The following MINK1 variants were observed in gnomAD, a reference collection of about 807,000 sequenced individuals.
MINK1 encodes misshapen like kinase 1.
In MINK1, 46 loss-of-function variants were observed where a neutral mutation model predicts 178.4. The ratio of observed to expected loss-of-function variants is 0.26; its 90% CI spans 0.20 to 0.33. The LOEUF is 0.33. Ranked by LOEUF, MINK1 falls within the 10% of genes least tolerant of loss-of-function variation. The probability of loss-of-function intolerance (pLI) is 1.00; values close to 1 mark genes in which losing one functional copy is unlikely to be tolerated. For missense variants in MINK1, 1,366 were observed against 1,814.9 expected, an observed-to-expected ratio of 0.75 and a Z score of 4.49; for synonymous variants, 797 against 709.7, an observed-to-expected ratio of 1.12 and a Z score of -1.96.
Position 4,891,362 on chromosome 17 carries a change from G to A in MINK1, c.1741-94G>A, listed in dbSNP as rs1449500895. The A allele has an allele frequency of 4.1e-6, 6 of 1,448,610 alleles. No homozygotes were observed. The East Asian group carries it at 1.2e-4, about 29-fold the overall frequency. The allele number at this position is 1,448,610 out of a possible 1,614,324, so 89.7% of individuals were successfully genotyped here. On this transcript the variant is annotated intron_variant, in intron 15 of 31. Coordinates refer to ENST00000355280, the MANE Select transcript of MINK1 (RefSeq NM_153827.5). ...CCCCTTGTCCTTCAATGGAGGAAGG[G>A]GCAGCTAAAGTCCTTTCCCACCCCA...
At chr17:4,875,721 A>ACCGCACTCCCACCTGGGCAACAGAGCG (rs1967121750) in intron 1 of MINK1, among the ~76,000 whole-genome samples, 1 of 151,020 alleles carries the variant, frequency 6.6e-6, no homozygotes, top group Admixed American at 6.6e-5. Context: ...GCGGTGAGCC[A>ACCGCACTCCCACCTGGGCAACAGAGCG]AGATCGTGCC....
At position 4,887,908 on chromosome 17, in the gene MINK1, A is replaced by T; in HGVS notation, c.1230+118A>T. The T allele has an allele frequency of 1.2e-6, 1 of 800,726 alleles. No individual in the cohort carries two copies. The highest frequency in any genetic ancestry group is 1.8e-6 in the Non-Finnish European group (1 of 543,946). The allele number at this position is 800,726 out of a possible 1,614,324, so 49.6% of individuals were successfully genotyped here. A position where few individuals can be genotyped will look rare whatever the true frequency, so the allele number is the denominator to read the frequency against. On this transcript the variant is annotated intron_variant, in intron 12 of 31. Coordinates refer to ENST00000355280, the MANE Select transcript of MINK1 (RefSeq NM_153827.5). This position sits in a 1 kb window ranked among gnomAD's most constrained non-coding sequence, Gnocchi z 7.6. ...CTTAAATGAATGGCATTTCTGTTGA[A>T]ACAATTATATGATTTCAAATTTCAT... is the stretch of plus-strand genomic sequence containing the variant.
chr17:4,883,352 C>T (rs980112504), intron 4 of MINK1: 1 of 151,146 alleles, frequency 6.6e-6, no homozygotes, highest in Non-Finnish European at 1.5e-5. Context: ...TTACAGGTGC[C>T]CACCACCACG....
intron 1 of MINK1, among the ~76,000 whole-genome samples, chr17:4,845,172 C>G (rs370402636): frequency 6.6e-6 from 1 of 152,144 alleles, no homozygotes; most frequent in Non-Finnish European, 1.5e-5. Flanking sequence ...TCAGCCAACC[C>G]AGAACACAAC....
intron 12 of MINK1, among the ~76,000 whole-genome samples, chr17:4,888,236 C>T (rs1968403242): frequency 6.6e-6 from 1 of 151,614 alleles, no homozygotes; most frequent in Non-Finnish European, 1.5e-5. Context: ...AAGCAATAAC[C>T]CGCAGCACCC....
Position 4,895,644 on chromosome 17 carries a change from A to T in MINK1, c.3230-54A>T. 1 of 1,597,174 alleles carries T rather than the reference A, an allele frequency of 6.3e-7. No individual in the cohort carries two copies. The highest frequency in any genetic ancestry group is 8.5e-7 in the Non-Finnish European group (1 of 1,169,710). ...TGACAGAGGAGGCCAGGGCGGTGGC[A>T]TTCGGGCCTCAGATGAGAATGGGGG... On this transcript the variant is annotated intron_variant, in intron 26 of 31. Transcript: ENST00000355280. This position sits in a 1 kb window ranked among gnomAD's most constrained non-coding sequence, Gnocchi z 4.3.
At position 4,896,166 on chromosome 17, in the gene MINK1, G is replaced by GC; in HGVS notation, c.3466-24dup. On this transcript the variant is annotated intron_variant, in intron 28 of 31. Transcript: ENST00000355280. This position sits in a 1 kb window ranked among gnomAD's most constrained non-coding sequence, Gnocchi z 4.6. ...CCAGCGCCTCTCCCCGTGCCCCTGA[G>GC]CCCTCCTCTCCTCCGGTTCTCTGCA... 6.2e-7 allele frequency: 1 copy of GC among 1,602,178 alleles called. No individual in the cohort carries two copies. The highest frequency in any genetic ancestry group is 8.5e-7 in the Non-Finnish European group (1 of 1,173,590).
At chr17:4,835,642 A>C (rs1371253106) in intron 1 of MINK1, among the ~76,000 whole-genome samples, 2 of 152,032 alleles carry the variant, frequency 1.3e-5, no homozygotes, top group African/African-American at 4.8e-5. Context: ...AAACAAAACA[A>C]AACAAAAAAA....
chr17:4,881,072 G>A (rs1174473156), intron 3 of MINK1, 32 bp downstream of exon 3: 13 of 1,534,730 alleles, frequency 8.5e-6, no homozygotes, highest in Non-Finnish European at 1.0e-5. Flanking sequence ...TGGGAGGGTC[G>A]GACCAGCGAG....
intron 1 of MINK1, chr17:4,854,623 T>C (rs1597414096): frequency 2.4e-6 from 1 of 414,812 alleles, no homozygotes; most frequent in South Asian, 1.8e-5. Flanking sequence ...CCATGAGTGA[T>C]TTATAAACTG....
chr17:4,889,438 CCT>C (rs1410819034), intron 12 of MINK1, among the ~76,000 whole-genome samples: 1 of 152,102 alleles, frequency 6.6e-6, no homozygotes, highest in African/African-American at 2.4e-5. Flanking sequence ...AGTCTCACAG[CCT>C]CTCTCGTCAC....
intron 21 of MINK1, 190 bp from the exon 22 acceptor site, chr17:4,893,798 C>T (rs1269820279): frequency 1.7e-5 from 15 of 894,168 alleles, no homozygotes; most frequent in African/African-American, 1.2e-4. Flanking sequence ...CCTGTCTGCC[C>T]CTGTGCCAGC....
In MINK1 at chr17:4,894,400, G is replaced by A. The variant is rs1969208561; in HGVS notation, c.2808+89G>A. 2.6e-6 allele frequency: 4 copies of A among 1,545,952 alleles called. No homozygotes were observed. Among genetic ancestry groups the A allele is most frequent in the Non-Finnish European group, 3.5e-6 (4 of 1,142,640 alleles). ...GTGCTGGGTAACGGCAGAGGATGGGGCGGAGCGCTGGGAGCTGGACAGCGG... is the reference window on the plus strand; with the variant it reads ...GTGCTGGGTAACGGCAGAGGATGGGACGGAGCGCTGGGAGCTGGACAGCGG... On this transcript the variant is annotated intron_variant, in intron 23 of 31. Transcript: ENST00000355280. The surrounding 1 kb of genome is among the most constrained non-coding windows in gnomAD (Gnocchi z 4.1).
chr17:4,884,692 A>G (rs1259877185), intron 5 of MINK1, among the ~76,000 whole-genome samples: 4 of 152,094 alleles, frequency 2.6e-5, no homozygotes, highest in Non-Finnish European at 5.9e-5. Flanking sequence ...CCGCTTCTCC[A>G]CCTGTAACCC....
At chr17:4,869,643 G>A (rs1019474526) in intron 1 of MINK1, among the ~76,000 whole-genome samples, 2 of 151,736 alleles carry the variant, frequency 1.3e-5, no homozygotes, top group Non-Finnish European at 2.9e-5. Flanking sequence ...TCTGTTTTCA[G>A]TTTTTTGAGG....
chr17:4,857,359 G>T, intron 1 of MINK1: 1 of 159,082 alleles, frequency 6.3e-6, no homozygotes, highest in South Asian at 1.6e-4. Flanking sequence ...GCATACTCGG[G>T]GCTGTTGTTG....
intron 1 of MINK1, among the ~76,000 whole-genome samples, chr17:4,845,041 A>T (rs562816243): frequency 6.6e-6 from 1 of 152,198 alleles, no homozygotes; most frequent in African/African-American, 2.4e-5. Flanking sequence ...AGCCCCTGGC[A>T]CCCACCATTC....
rs75373838 is a variant in MINK1, at chr17:4,866,525, G to T, written c.58-11792G>T. On this transcript the variant is annotated intron_variant, in intron 1 of 31. Coordinates refer to ENST00000355280, the MANE Select transcript of MINK1 (RefSeq NM_153827.5). ...GAAAGGGAACTTAGAGAAGTTAAGT[G>T]GTCCTTGAACACACAGCCTGTTGGC... Among the ~76,000 whole-genome samples, 13 of 151,872 alleles carry T rather than the reference G, an allele frequency of 8.6e-5. No homozygotes were observed. The East Asian group carries it at 2.5e-3, about 29-fold the overall frequency.
At chr17:4,854,748 C>A in intron 1 of MINK1, 1 of 493,354 alleles carries the variant, frequency 2.0e-6, no homozygotes, top group Non-Finnish European at 4.1e-6. Flanking sequence ...CACTTCAAAA[C>A]ACAGGTAGCC....
Sources: allele counts gnomAD v4.1 joint callset (sites outside exome capture counted in the v4.1 genomes callset), GRCh38; gene constraint gnomAD v4.1.1; non-coding constraint Gnocchi (gnomAD v3.1); transcripts MANE v1.5; gene names NCBI Gene and HGNC (gene_info 2026-07-23, HGNC 2026-07-21).